The following MAN2B2 variants were observed in gnomAD, a reference collection of about 807,000 sequenced individuals.
MAN2B2 encodes the protein mannosidase alpha class 2B member 2, also known as epididymis-specific alpha-mannosidase.
MAN2B2 carries 106 observed loss-of-function variants against 117.1 expected under a neutral mutation model. The observed-to-expected ratio is 0.90, with a 90% CI of 0.77 to 1.06. The LOEUF is 1.06. Among genes scored for constraint, MAN2B2 ranks in the 50% least tolerant of loss-of-function variants. The pLI is 0.00. For missense variants in MAN2B2, 1,326 were observed against 1,381.4 expected (o/e 0.96, Z 0.64); for synonymous variants, 544 against 595.1 (o/e 0.91, Z 1.25).
At chr4:6,594,000 T>C (rs937293268) in intron 6 of MAN2B2, among the ~76,000 whole-genome samples, 8 of 152,342 alleles carry the variant, frequency 5.3e-5, no homozygotes, top group African/African-American at 1.9e-4. Context: ...GCCTGCCTTC[T>C]TCATCCGTGA....
rs1432261230 is a variant in MAN2B2, at chr4:6,589,012, C to T, written c.565-33C>T. The T allele has an allele frequency of 5.2e-6, 8 of 1,536,122 alleles. No homozygotes were observed. In the South Asian group the frequency reaches 5.6e-5, roughly 11 times the overall value. The stretch of plus-strand genomic sequence containing the variant: ...AGTGGAGCTGGGGCAGCCATGTGGC[C>T]CCTCCAGCCTCATTCTTCTCCTCGG... On this transcript the variant is annotated intron_variant, in intron 4 of 18. Transcript: ENST00000285599.
At chr4:6,596,225 C>A (rs1487891002) in intron 7 of MAN2B2, among the ~76,000 whole-genome samples, 1 of 150,446 alleles carries the variant, frequency 6.6e-6, no homozygotes, top group African/African-American at 2.5e-5. Flanking sequence ...GGCATGGTAT[C>A]GTGATGACCA....
Position 6,619,921 on chromosome 4 carries a change from C to T in MAN2B2, c.2815-6C>T, listed in dbSNP as rs1459247150. On this transcript the variant is annotated splice_region_variant and splice_polypyrimidine_tract_variant and intron_variant, in intron 17 of 18. Transcript: ENST00000285599. ...GCTCACTCTCCCTCTGCTCCTCTCC[C>T]TGCAGGCTGTGCTGCAGGCGCTGGG... The T allele has an allele frequency of 6.2e-7, 1 of 1,613,008 alleles. No individual in the cohort carries two copies. Among genetic ancestry groups the T allele is most frequent in the Non-Finnish European group, 8.5e-7 (1 of 1,179,300 alleles).
chr4:6,584,604 C>G (rs1277660267), intron 3 of MAN2B2, among the ~76,000 whole-genome samples: 4 of 152,118 alleles, frequency 2.6e-5, no homozygotes, highest in Non-Finnish European at 5.9e-5. Context: ...GTGAACAGTC[C>G]CTAGTTAGAG....
chr4:6,598,369 G>T lies in MAN2B2; in HGVS notation c.1405+15G>T. 1 of 1,605,628 alleles carries T rather than the reference G, an allele frequency of 6.2e-7. No homozygotes were observed. The highest frequency in any genetic ancestry group is 2.2e-5 in the East Asian group (1 of 44,636). On this transcript the variant is annotated intron_variant, in intron 9 of 18. Transcript: ENST00000285599. Reference sequence around the variant, plus strand: ...GGCCAGCTCCGGTGAGCAGGGCCCTGCAGGGAGGCTGTGGCCCCTTTATGA... The same window carrying T: ...GGCCAGCTCCGGTGAGCAGGGCCCTTCAGGGAGGCTGTGGCCCCTTTATGA...
In MAN2B2 at chr4:6,605,131, A is replaced by G; in HGVS notation, c.1616A>G (p.His539Arg). 6.2e-7 allele frequency: 1 copy of G among 1,614,172 alleles called. No homozygotes were observed. The highest frequency in any genetic ancestry group is 8.5e-7 in the Non-Finnish European group (1 of 1,180,016). ...LTTIPGLSYR[H>R]YNIRPTAGAQ... Reference sequence around the variant, plus strand: ...ACAATCCCAGGCCTCAGTTACCGGCACTACAACATCAGACCCACTGCAGGG... The same window carrying G: ...ACAATCCCAGGCCTCAGTTACCGGCGCTACAACATCAGACCCACTGCAGGG... Residue 539 changes from histidine (H) to arginine (R), a missense_variant, in exon 11 of 19, where the codon CAC (histidine) becomes CGC (arginine). Coordinates refer to ENST00000285599, the MANE Select transcript of MAN2B2 (RefSeq NM_015274.3).
chr4:6,601,398 G>T (rs564889215), intron 10 of MAN2B2, among the ~76,000 whole-genome samples: 1 of 152,180 alleles, frequency 6.6e-6, no homozygotes, highest in East Asian at 1.9e-4. Context: ...TAATTGGGAG[G>T]CTGAGGCAGG....
In MAN2B2 at chr4:6,594,876, CAG is replaced by C. The variant is rs1477027992; in HGVS notation, c.1057+148_1057+149del. The C allele has an allele frequency of 6.3e-6, 5 of 796,950 alleles. No homozygotes were observed. In the East Asian group the frequency reaches 1.3e-4, roughly 21 times the overall value. The allele number at this position is 796,950 out of a possible 1,614,324, so 49.4% of individuals were successfully genotyped here. On this transcript the variant is annotated intron_variant, in intron 7 of 18. Coordinates refer to ENST00000285599, the MANE Select transcript of MAN2B2 (RefSeq NM_015274.3). ...GCAGGTTCTGTGTGGGGCGCAGGGG[CAG>C]AGACTGACCCTCTCTGCTCACTCCA...
At chr4:6,595,854 C>T (rs1242055701) in intron 7 of MAN2B2, among the ~76,000 whole-genome samples, 1 of 152,250 alleles carries the variant, frequency 6.6e-6, no homozygotes, top group Non-Finnish European at 1.5e-5. Flanking sequence ...CCTCTCTGGG[C>T]CCCAGCCTCT....
Position 6,578,400 on chromosome 4 carries a change from A to G in MAN2B2, c.293A>G (p.Gln98Arg). Residue 98 changes from glutamine (Q) to arginine (R), a missense_variant, in exon 3 of 19, where the codon CAG becomes CGG. Transcript: ENST00000285599. ...CTGCCTGCCCATGTCAAGGTCCGCC[A>G]GCTCCTGGAGGAAGGACGCCTGGAA... ...ASDQQKYQVR[Q>R]LLEEGRLEFV... is the part of the protein sequence containing the mutation. The G allele has an allele frequency of 5.6e-6, 9 of 1,613,206 alleles. No individual in the cohort carries two copies. The highest frequency in any genetic ancestry group is 7.6e-6 in the Non-Finnish European group (9 of 1,179,620).
At chr4:6,605,369 C>A in intron 11 of MAN2B2, 40 bp downstream of exon 11, 1 of 1,570,532 alleles carries the variant, frequency 6.4e-7, no homozygotes, top group Non-Finnish European at 8.7e-7. Flanking sequence ...CACAGGCATG[C>A]CTGGAGCCTG....
chr4:6,584,501 CTG>C (rs1726558582), intron 3 of MAN2B2, among the ~76,000 whole-genome samples: 1 of 152,230 alleles, frequency 6.6e-6, no homozygotes, highest in South Asian at 2.1e-4. Flanking sequence ...AAGTACTAGA[CTG>C]TGAGCAGTTC....
chr4:6,609,652 G>C (rs1024363172), intron 12 of MAN2B2, 146 bp from the exon 13 acceptor site: 3 of 1,017,880 alleles, frequency 2.9e-6, no homozygotes, highest in Non-Finnish European at 2.9e-6. Flanking sequence ...CCTGGGTGGT[G>C]CTATTGTCCA....
At chr4:6,616,609 A>C (rs1315620371) in intron 16 of MAN2B2, among the ~76,000 whole-genome samples, 1 of 152,176 alleles carries the variant, frequency 6.6e-6, no homozygotes, top group East Asian at 1.9e-4. Flanking sequence ...GTACTGCGTC[A>C]CTTCAGCTCA....
Position 6,605,330 on chromosome 4 carries a change from G to T in MAN2B2, c.1814+1G>T, listed in dbSNP as rs376970547. On this transcript the variant is annotated splice_donor_variant, in intron 11 of 18. Coordinates refer to ENST00000285599, the MANE Select transcript of MAN2B2 (RefSeq NM_015274.3). LOFTEE classifies it high-confidence loss of function. Reference sequence around the variant, plus strand: ...ACCTGATGCACAGCATCTGGGAGAGGTAAGGTGCAGCCATTGCTGTCTCTG... The same window carrying T: ...ACCTGATGCACAGCATCTGGGAGAGTTAAGGTGCAGCCATTGCTGTCTCTG... The T allele has an allele frequency of 6.2e-7, 1 of 1,604,532 alleles. No homozygotes were observed. Among genetic ancestry groups the T allele is most frequent in the Non-Finnish European group, 8.5e-7 (1 of 1,172,954 alleles).
In MAN2B2 at chr4:6,597,239, G is replaced by A. The variant is rs771925392; in HGVS notation, c.1184G>A (p.Arg395His). ...ACACGCTACCTGTGGCCGGCCCCCCGTGGGCATCTGGACCCCACCTGGGCC... is the reference window on the plus strand; with the variant it reads ...ACACGCTACCTGTGGCCGGCCCCCCATGGGCATCTGGACCCCACCTGGGCC... ...MFTRYLWPAP[R>H]GHLDPTWALQ... Residue 395 changes from arginine to histidine, a missense_variant, in exon 8 of 19, where the codon CGT (arginine) becomes CAT (histidine). Physicochemically the swap from Arg to His is conservative, Grantham distance 29 (BLOSUM62 0). Coordinates refer to ENST00000285599, the MANE Select transcript of MAN2B2 (RefSeq NM_015274.3). 1.9e-5 allele frequency: 31 copies of A among 1,603,738 alleles called. No homozygotes were observed. Among genetic ancestry groups the A allele is most frequent in the Middle Eastern group, 1.7e-4 (1 of 6,008 alleles).
intron 10 of MAN2B2, 99 bp from the exon 11 acceptor site, chr4:6,604,956 G>A: frequency 7.2e-7 from 1 of 1,391,132 alleles, no homozygotes. Flanking sequence ...CAGGATCCGA[G>A]AGATGGAAAG....
At chr4:6,604,598 G>T (rs1421053451) in intron 10 of MAN2B2, among the ~76,000 whole-genome samples, 1 of 152,046 alleles carries the variant, frequency 6.6e-6, no homozygotes, top group Non-Finnish European at 1.5e-5. Flanking sequence ...CGTTGGATGG[G>T]GATGCTGCAG....
chr4:6,598,020 G>A (rs979392696), intron 8 of MAN2B2, among the ~76,000 whole-genome samples, 178 bp from the exon 9 acceptor site: 3 of 152,208 alleles, frequency 2.0e-5, no homozygotes, highest in Non-Finnish European at 2.9e-5. Flanking sequence ...AAAGTTGGGC[G>A]AGCTCCTCAG....
Sources: allele counts gnomAD v4.1 joint callset (sites outside exome capture counted in the v4.1 genomes callset), GRCh38; gene constraint gnomAD v4.1.1; transcripts MANE v1.5; gene names NCBI Gene and HGNC (gene_info 2026-07-23, HGNC 2026-07-21).